The following AOPEP variants were observed in gnomAD, a reference collection of about 807,000 sequenced individuals.
AOPEP encodes aminopeptidase O.
In AOPEP, 77 loss-of-function variants were observed where a neutral mutation model predicts 98.1. The ratio of observed to expected loss-of-function variants is 0.78; its 90% CI spans 0.65 to 0.95. AOPEP has a LOEUF of 0.95. Ranked by LOEUF, AOPEP falls within the 40% of genes least tolerant of loss-of-function variation. The probability of loss-of-function intolerance (pLI) is 0.00; values close to 1 mark genes in which losing one functional copy is unlikely to be tolerated. For synonymous variants in AOPEP, 346 were observed against 365.3 expected (o/e 0.95, Z 0.60); for missense variants, 1,024 against 1,024.7 (o/e 1.00, Z 0.01).
At chr9:94,768,423 A>G (rs532375842) in intron 2 of AOPEP, among the ~76,000 whole-genome samples, 2 of 152,326 alleles carry the variant, frequency 1.3e-5, no homozygotes, top group South Asian at 4.1e-4. Context: ...AAAAGAAAAT[A>G]TATGGTTTTA....
intron 11 of AOPEP, among the ~76,000 whole-genome samples, chr9:95,002,693 G>A (rs1351341244): frequency 1.3e-5 from 2 of 152,170 alleles, no homozygotes; most frequent in East Asian, 3.8e-4. Context: ...TTTGGACTGG[G>A]GAGTAAGGAA....
the AOPEP span, among the ~76,000 whole-genome samples, chr9:95,094,115 A>T: frequency 4.1e-5 from 6 of 147,990 alleles, no homozygotes; most frequent in East Asian, 1.2e-3. Context: ...CCTTTCATTT[A>T]TATCTTTATG....
At chr9:95,072,009 C>T (rs973802962) in intron 14 of AOPEP, among the ~76,000 whole-genome samples, 5 of 152,084 alleles carry the variant, frequency 3.3e-5, no homozygotes, top group Admixed American at 1.3e-4. Context: ...CCACTCGGGC[C>T]GTTGTTCACC....
the AOPEP span, among the ~76,000 whole-genome samples, chr9:95,118,630 G>T: frequency 7.9e-5 from 12 of 152,118 alleles, no homozygotes; most frequent in African/African-American, 2.7e-4. Flanking sequence ...GATTAGTTTT[G>T]CTTATTCTTG....
intron 5 of AOPEP, among the ~76,000 whole-genome samples, chr9:94,874,257 C>A (rs1345585793): frequency 1.3e-5 from 2 of 152,010 alleles, no homozygotes; most frequent in African/African-American, 2.4e-5. Context: ...CTTTTTTAAT[C>A]CAGGAAAAGT....
chr9:95,125,538 A>G, the AOPEP span, among the ~76,000 whole-genome samples: 1 of 152,230 alleles, frequency 6.6e-6, no homozygotes, highest in African/African-American at 2.4e-5. Flanking sequence ...AGCTGCTCAA[A>G]GGGTAAAATG....
At chr9:94,813,548 C>T (rs1851081977) in intron 5 of AOPEP, among the ~76,000 whole-genome samples, 1 of 152,214 alleles carries the variant, frequency 6.6e-6, no homozygotes, top group South Asian at 2.1e-4. Flanking sequence ...GACCTGGAAT[C>T]CTTGCTACTC....
intron 11 of AOPEP, among the ~76,000 whole-genome samples, chr9:94,979,928 T>A (rs1331980724): frequency 4.6e-5 from 7 of 152,214 alleles, no homozygotes. Flanking sequence ...CTCCTGGTTC[T>A]GCATTGGGCT....
At chr9:95,112,140 T>C in the AOPEP span, among the ~76,000 whole-genome samples, 1 of 152,220 alleles carries the variant, frequency 6.6e-6, no homozygotes, top group African/African-American at 2.4e-5. Context: ...AAAGTTGAAG[T>C]GTTTGTGAAG....
At chr9:95,011,291 G>A (rs1025903314) in intron 13 of AOPEP, among the ~76,000 whole-genome samples, 3 of 150,294 alleles carry the variant, frequency 2.0e-5, no homozygotes, top group Non-Finnish European at 2.9e-5. Flanking sequence ...CACCTCGCGG[G>A]TTCCAGCGAT....
At chr9:94,923,215 T>A (rs1189130462) in intron 5 of AOPEP, among the ~76,000 whole-genome samples, 2 of 152,168 alleles carry the variant, frequency 1.3e-5, no homozygotes, top group African/African-American at 4.8e-5. Flanking sequence ...CCTATGCAGT[T>A]TTAATGGTGA....
intron 11 of AOPEP, chr9:95,004,227 C>G: frequency 2.2e-6 from 1 of 456,478 alleles, no homozygotes; most frequent in Non-Finnish European, 4.4e-6. Context: ...ACTGCTGATG[C>G]GGATGAGAAG....
At position 94,956,035 on chromosome 9, in the gene AOPEP, G is replaced by A. The variant is rs775988269; in HGVS notation, c.1872+20G>A. ...TCCCAGGTAACTTATGGGTCCTCATGAGTCCATGATGTATGACTGGAGGGG... is the reference window on the plus strand; with the variant it reads ...TCCCAGGTAACTTATGGGTCCTCATAAGTCCATGATGTATGACTGGAGGGG... On this transcript the variant is annotated intron_variant, in intron 9 of 16. Coordinates refer to ENST00000375315, the MANE Select transcript of AOPEP (RefSeq NM_001193329.3). The A allele has an allele frequency of 3.5e-6, 5 of 1,430,618 alleles. No individual in the cohort carries two copies. The highest frequency in any genetic ancestry group is 1.1e-5 in the South Asian group (1 of 87,048). The allele number at this position is 1,430,618 out of a possible 1,614,324, so 88.6% of individuals were successfully genotyped here.
At chr9:95,107,912 G>A in the AOPEP span, among the ~76,000 whole-genome samples, 1 of 152,208 alleles carries the variant, frequency 6.6e-6, no homozygotes, top group African/African-American at 2.4e-5. Context: ...AAGTCTGCAG[G>A]TTGCTTTTGC....
intron 14 of AOPEP, among the ~76,000 whole-genome samples, chr9:95,072,807 C>CA (rs1038834295): frequency 2.0e-5 from 3 of 152,174 alleles, no homozygotes; most frequent in African/African-American, 7.2e-5. Flanking sequence ...ACCTGTGTCC[C>CA]AAATCCAAGA....
At chr9:95,005,001 A>G (rs866502864) in intron 11 of AOPEP, 157 bp from the exon 12 acceptor site, 35 of 162,924 alleles carry the variant, frequency 2.1e-4, no homozygotes, top group South Asian at 9.7e-4. Flanking sequence ...GGTGATGCGG[A>G]CCCCGGGCGG....
intron 13 of AOPEP, among the ~76,000 whole-genome samples, chr9:95,037,882 C>T (rs1025014734): frequency 2.0e-5 from 3 of 152,144 alleles, no homozygotes; most frequent in African/African-American, 4.8e-5. Flanking sequence ...TGATCTTGAC[C>T]GGCTTTCTGC....
intron 10 of AOPEP, among the ~76,000 whole-genome samples, chr9:94,974,513 C>T (rs2059718646): frequency 6.6e-6 from 1 of 152,220 alleles, no homozygotes; most frequent in Non-Finnish European, 1.5e-5. Flanking sequence ...TCTTCATTCA[C>T]GGAGAGGGCC....
intron 13 of AOPEP, among the ~76,000 whole-genome samples, chr9:95,023,084 C>G (rs2063583943): frequency 6.6e-6 from 1 of 152,244 alleles, no homozygotes; most frequent in Admixed American, 6.5e-5. Context: ...GTTTCCTCAT[C>G]TGCAAAACAG....
Sources: allele counts gnomAD v4.1 joint callset (sites outside exome capture counted in the v4.1 genomes callset), GRCh38; gene constraint gnomAD v4.1.1; transcripts MANE v1.5; gene names NCBI Gene and HGNC (gene_info 2026-07-23, HGNC 2026-07-21).